The following STX8 variants were observed in gnomAD, a reference collection of about 807,000 sequenced individuals.
The protein encoded by STX8 is syntaxin-8.
Under a neutral mutation model 37.5 loss-of-function variants are expected in STX8, and 23 were observed. The observed-to-expected ratio is 0.61, with a 90% CI of 0.44 to 0.87. The LOEUF is 0.87. Ranked by LOEUF, STX8 falls within the 40% of genes least tolerant of loss-of-function variation. The pLI is 0.00. For synonymous variants in STX8, 115 were observed against 99.1 expected (o/e 1.16, Z -0.95); for missense variants, 313 against 284.7 (o/e 1.10, Z -0.71).
chr17:9,264,397 T>C (rs1907156012), intron 7 of STX8, among the ~76,000 whole-genome samples: 1 of 152,202 alleles, frequency 6.6e-6, no homozygotes, highest in South Asian at 2.1e-4. Context: ...CTCCACCTTC[T>C]GAGCTCAAGT....
intron 4 of STX8, among the ~76,000 whole-genome samples, chr17:9,527,307 G>A (rs1321705722): frequency 6.6e-6 from 1 of 151,822 alleles, no homozygotes; most frequent in Non-Finnish European, 1.5e-5. Flanking sequence ...AGCCAGGCAT[G>A]GTGGCATGTG....
intron 6 of STX8, among the ~76,000 whole-genome samples, chr17:9,487,653 A>G (rs1041158290): frequency 2.0e-5 from 3 of 152,068 alleles, no homozygotes; most frequent in African/African-American, 7.2e-5. Context: ...CTGGCAACGA[A>G]TGGAAAAATA....
rs745424722 is a variant in STX8, at chr17:9,546,590, G to GTTTTTTTTTTTTTTTTTTTTTTTTTTT, written c.213-1309_213-1308insAAAAAAAAAAAAAAAAAAAAAAAAAAA. 6.1e-4 allele frequency among the ~76,000 whole-genome samples: 38 copies of GTTTTTTTTTTTTTTTTTTTTTTTTTTT among 62,220 alleles called. 5 individuals are homozygous for GTTTTTTTTTTTTTTTTTTTTTTTTTTT. Among genetic ancestry groups the GTTTTTTTTTTTTTTTTTTTTTTTTTTT allele is most frequent in the African/African-American group, 7.0e-4 (12 of 17,100 alleles). The allele number at this position is 62,220 out of a possible 152,430, so 40.8% of individuals were successfully genotyped here. On this transcript the variant is annotated intron_variant, in intron 3 of 7. Transcript: ENST00000306357. ...CTTTCTTGATGCAAACTACAAAAGT[G>GTTTTTTTTTTTTTTTTTTTTTTTTTTT]GTTTTTTTTTTTTTTTTTTTTTTTT...
At chr17:9,451,790 CAGAG>C (rs34073862) in intron 6 of STX8, among the ~76,000 whole-genome samples, 42 of 149,734 alleles carry the variant, frequency 2.8e-4, no homozygotes, top group Admixed American at 1.3e-3. Context: ...TACATATATA[CAGAG>C]AGAGAGAGAG....
intron 7 of STX8, among the ~76,000 whole-genome samples, chr17:9,278,199 G>C (rs560647609): frequency 2.6e-5 from 4 of 152,222 alleles, no homozygotes; most frequent in Non-Finnish European, 4.4e-5. Flanking sequence ...TGTAATCCCA[G>C]CACTTTGGGA....
At chr17:9,570,485 C>T (rs899454309) in intron 1 of STX8, among the ~76,000 whole-genome samples, 5 of 151,702 alleles carry the variant, frequency 3.3e-5, no homozygotes, top group South Asian at 4.2e-4. Context: ...ACATACCTAT[C>T]GTTTATATCA....
intron 2 of STX8, among the ~76,000 whole-genome samples, chr17:9,562,279 G>A (rs1260855851): frequency 1.3e-5 from 2 of 151,886 alleles, no homozygotes; most frequent in African/African-American, 2.4e-5. Context: ...GGTGGCGGGC[G>A]CCTGTAGCCC....
At chr17:9,389,789 T>G (rs1912148175) in intron 6 of STX8, among the ~76,000 whole-genome samples, 1 of 152,166 alleles carries the variant, frequency 6.6e-6, no homozygotes, top group South Asian at 2.1e-4. Flanking sequence ...ATAGTGAAGA[T>G]AGAGTTTTTC....
chr17:9,423,270 A>G (rs1054374114), intron 6 of STX8, among the ~76,000 whole-genome samples: 4 of 152,300 alleles, frequency 2.6e-5, no homozygotes, highest in Admixed American at 1.3e-4. Flanking sequence ...TTTCTTCTTA[A>G]TAAGTCTGTT....
chr17:9,408,107 A>G (rs1240280496), intron 6 of STX8, among the ~76,000 whole-genome samples: 3 of 152,166 alleles, frequency 2.0e-5, no homozygotes, highest in Non-Finnish European at 2.9e-5. Context: ...CACGATATAT[A>G]TAAAAATAAA....
chr17:9,408,239 A>G (rs17206871), intron 6 of STX8, among the ~76,000 whole-genome samples: 11,434 of 152,214 alleles, frequency 0.075, 668 homozygotes, highest in East Asian at 0.31. Context: ...ACCATACTGA[A>G]TGGAGGAAAC....
At chr17:9,447,788 A>C (rs1461883866) in intron 6 of STX8, among the ~76,000 whole-genome samples, 5 of 152,296 alleles carry the variant, frequency 3.3e-5, no homozygotes, top group African/African-American at 1.2e-4. Context: ...TGTTCTCATC[A>C]ATTTATTGGA....
At chr17:9,286,049 A>C (rs1364882744) in intron 7 of STX8, among the ~76,000 whole-genome samples, 1 of 152,026 alleles carries the variant, frequency 6.6e-6, no homozygotes, top group South Asian at 2.1e-4. Context: ...TAAAAAAAAA[A>C]ATAAGGCAAG....
chr17:9,300,430 A>C (rs1307927119), intron 7 of STX8, among the ~76,000 whole-genome samples: 1 of 151,860 alleles, frequency 6.6e-6, no homozygotes, highest in Admixed American at 6.6e-5. Flanking sequence ...AATCACAATT[A>C]TGGTAAACTC....
intron 6 of STX8, among the ~76,000 whole-genome samples, chr17:9,384,528 C>T (rs1376977243): frequency 6.6e-6 from 1 of 152,026 alleles, no homozygotes; most frequent in East Asian, 1.9e-4. Context: ...GTCCCAGCTA[C>T]TCGGGAGGCT....
intron 7 of STX8, among the ~76,000 whole-genome samples, chr17:9,265,143 A>G (rs1288451870): frequency 1.3e-5 from 2 of 151,350 alleles, no homozygotes; most frequent in African/African-American, 2.4e-5. Flanking sequence ...AAAAAAAAAA[A>G]GCTGTCACCT....
intron 6 of STX8, among the ~76,000 whole-genome samples, chr17:9,425,086 G>T (rs1351292514): frequency 2.0e-5 from 3 of 152,116 alleles, no homozygotes; most frequent in Non-Finnish European, 4.4e-5. Flanking sequence ...TAGGACAGAG[G>T]CCACAGTTTC....
In STX8 at chr17:9,529,632, A is replaced by G. The variant is rs369035657; in HGVS notation, c.323+15540T>C. Among the ~76,000 whole-genome samples, 192 of 152,314 alleles carry G rather than the reference A, an allele frequency of 1.3e-3. 1 individual carries two copies. The highest frequency in any genetic ancestry group is 1.9e-3 in the Non-Finnish European group (131 of 68,024). Reference sequence around the variant, plus strand: ...TTATAACACTGTAAGTCTCACCTTTATAGGAGTGGCATCATATAGCATGAA... The same window carrying G: ...TTATAACACTGTAAGTCTCACCTTTGTAGGAGTGGCATCATATAGCATGAA... On this transcript the variant is annotated intron_variant, in intron 4 of 7. Transcript: ENST00000306357.
At chr17:9,541,575 C>G (rs1906280199) in intron 4 of STX8, among the ~76,000 whole-genome samples, 1 of 152,174 alleles carries the variant, frequency 6.6e-6, no homozygotes, top group Non-Finnish European at 1.5e-5. Context: ...TATCCCCAGT[C>G]TAAGGTCAAT....
Sources: allele counts gnomAD v4.1 joint callset (sites outside exome capture counted in the v4.1 genomes callset), GRCh38; gene constraint gnomAD v4.1.1; transcripts MANE v1.5; gene names NCBI Gene and HGNC (gene_info 2026-07-23, HGNC 2026-07-21).